Variants in MACROD2 observed in about 807,000 individuals in gnomAD.
MACROD2 encodes ADP-ribose glycohydrolase MACROD2.
Under a neutral mutation model 70.4 loss-of-function variants are expected in MACROD2, and 36 were observed. That is an observed-to-expected ratio of 0.51 (90% confidence interval 0.39 to 0.68). MACROD2 has a LOEUF of 0.68. MACROD2 is among the 30% of genes least tolerant of loss of function. The pLI is 0.00. For synonymous variants in MACROD2, 172 were observed against 178.8 expected, an observed-to-expected ratio of 0.96 and a Z score of 0.30; for missense variants, 496 against 538.4, an observed-to-expected ratio of 0.92 and a Z score of 0.78.
chr20:15,499,739 C>A, intron 7 of MACROD2, 35 bp from the exon 8 acceptor site: 2 of 1,605,442 alleles, frequency 1.2e-6, no homozygotes, highest in South Asian at 1.1e-5. Flanking sequence ...CTTCATCTTT[C>A]GTTGTTCATT....
chr20:14,635,222 C>T (rs1984725250), intron 4 of MACROD2, among the ~76,000 whole-genome samples: 1 of 152,210 alleles, frequency 6.6e-6, no homozygotes, highest in African/African-American at 2.4e-5. Context: ...TGGAGAGGCA[C>T]TCTGGCATTG....
chr20:15,767,013 A>G (rs1406449127), intron 8 of MACROD2, among the ~76,000 whole-genome samples: 1 of 152,206 alleles, frequency 6.6e-6, no homozygotes, highest in Non-Finnish European at 1.5e-5. Context: ...TTACGTGTTC[A>G]AGCTCAGATT....
chr20:14,805,463 T>A (rs1418325409), intron 5 of MACROD2, among the ~76,000 whole-genome samples: 2 of 152,068 alleles, frequency 1.3e-5, no homozygotes, highest in African/African-American at 4.8e-5. Flanking sequence ...GACACCATAT[T>A]AAAAGTAGTC....
chr20:15,372,939 T>C (rs2045512885), intron 6 of MACROD2, among the ~76,000 whole-genome samples: 1 of 151,868 alleles, frequency 6.6e-6, no homozygotes, highest in East Asian at 1.9e-4. Flanking sequence ...ATAGTCCCAA[T>C]TGCTTGGGAG....
At chr20:15,105,387 C>T (rs1403354912) in intron 5 of MACROD2, among the ~76,000 whole-genome samples, 2 of 152,118 alleles carry the variant, frequency 1.3e-5, no homozygotes, top group Non-Finnish European at 2.9e-5. Flanking sequence ...GAAATAACCT[C>T]TGTGAAAAGG....
intron 3 of MACROD2, among the ~76,000 whole-genome samples, chr20:14,204,428 G>C (rs998340438): frequency 1.3e-5 from 2 of 152,080 alleles, no homozygotes; most frequent in African/African-American, 4.8e-5. Flanking sequence ...GACGTAGTCT[G>C]GTGGGGGCTG....
At chr20:14,176,206 A>C (rs1294098787) in intron 3 of MACROD2, among the ~76,000 whole-genome samples, 1 of 152,240 alleles carries the variant, frequency 6.6e-6, no homozygotes, top group Admixed American at 6.5e-5. Flanking sequence ...TATGAATCAT[A>C]GGATTGTGAG....
intron 6 of MACROD2, among the ~76,000 whole-genome samples, chr20:15,239,184 ATTT>A (rs113667803): frequency 8.0e-5 from 11 of 138,024 alleles, no homozygotes; most frequent in Admixed American, 2.2e-4. Flanking sequence ...AAATGTTCAG[ATTT>A]TTTTTTTTTT....
At chr20:15,252,810 T>C (rs937836339) in intron 6 of MACROD2, among the ~76,000 whole-genome samples, 1 of 152,166 alleles carries the variant, frequency 6.6e-6, no homozygotes, top group African/African-American at 2.4e-5. Flanking sequence ...TGTATGCAAA[T>C]TTGTGGACAC....
intron 5 of MACROD2, chr20:15,021,652 G>A (rs1224860908): frequency 6.6e-6 from 1 of 151,882 alleles, no homozygotes; most frequent in East Asian, 1.9e-4. Flanking sequence ...TGTTGCCAAA[G>A]CAAGCACAAG....
intron 5 of MACROD2, among the ~76,000 whole-genome samples, chr20:15,208,776 C>T (rs1168287635): frequency 6.6e-6 from 1 of 152,198 alleles, no homozygotes. Context: ...CAGTTAGCTT[C>T]CACTGACCCA....
At chr20:15,385,875 A>G (rs368204010) in intron 6 of MACROD2, among the ~76,000 whole-genome samples, 3 of 152,188 alleles carry the variant, frequency 2.0e-5, no homozygotes, top group African/African-American at 4.8e-5. Flanking sequence ...CCAAAGAGAA[A>G]CTTTCCTTAA....
At chr20:14,130,858 G>C (rs920577566) in intron 3 of MACROD2, among the ~76,000 whole-genome samples, 4 of 151,608 alleles carry the variant, frequency 2.6e-5, no homozygotes, top group African/African-American at 9.7e-5. Flanking sequence ...TCCATTTCAA[G>C]GACAAGTTTT....
intron 3 of MACROD2, among the ~76,000 whole-genome samples, chr20:14,293,513 A>G (rs1044406053): frequency 1.3e-5 from 2 of 151,564 alleles, no homozygotes; most frequent in African/African-American, 4.9e-5. Context: ...GGGGAAAAAG[A>G]TCTATTTCAA....
chr20:15,417,531 C>CAA (rs778778694), intron 6 of MACROD2, among the ~76,000 whole-genome samples: 1 of 133,234 alleles, frequency 7.5e-6, no homozygotes, highest in Non-Finnish European at 1.5e-5. Flanking sequence ...TCCCAGCAGT[C>CAA]AAAGCTGCAG....
chr20:15,904,481 TA>T (rs1232536715), intron 10 of MACROD2, among the ~76,000 whole-genome samples: 1 of 152,192 alleles, frequency 6.6e-6, no homozygotes. Context: ...TTTCTCCCCA[TA>T]AAAGGTGTTT....
intron 2 of MACROD2, among the ~76,000 whole-genome samples, chr20:14,005,456 TGTG>T (rs1180614676): frequency 6.6e-6 from 1 of 152,184 alleles, no homozygotes; most frequent in East Asian, 1.9e-4. Flanking sequence ...GTTGCTATGT[TGTG>T]GGGATTTTAA....
intron 9 of MACROD2, among the ~76,000 whole-genome samples, chr20:15,881,037 T>C (rs1190218253): frequency 6.6e-6 from 1 of 152,088 alleles, no homozygotes; most frequent in Non-Finnish European, 1.5e-5. Context: ...TTCTCTGTTG[T>C]TTTGCTTTTC....
At chr20:14,136,413 G>A (rs1337769577) in intron 3 of MACROD2, among the ~76,000 whole-genome samples, 1 of 152,106 alleles carries the variant, frequency 6.6e-6, no homozygotes, top group Non-Finnish European at 1.5e-5. Flanking sequence ...CTTGAATCAC[G>A]TTCTTGCTAC....
Sources: gnomAD v4.1 joint callset for allele counts (sites outside exome capture counted in the v4.1 genomes callset) on GRCh38, gnomAD v4.1.1 for gene constraint, MANE v1.5 for transcripts, NCBI Gene and HGNC (gene_info 2026-07-23, HGNC 2026-07-21) for gene names.